The following UBE2O variants were observed in gnomAD, a reference collection of about 807,000 sequenced individuals.
UBE2O encodes the protein (E3-independent) E2 ubiquitin-conjugating enzyme.
Under a neutral mutation model 125.8 loss-of-function variants are expected in UBE2O, and 15 were observed. That is an observed-to-expected ratio of 0.12 (90% CI 0.08 to 0.18). The LOEUF is 0.18. UBE2O is among the 10% of genes least tolerant of loss of function. The probability of loss-of-function intolerance (pLI) is 1.00; values close to 1 mark genes in which losing one functional copy is unlikely to be tolerated. For synonymous variants in UBE2O, 708 were observed against 703.2 expected (o/e 1.01, Z -0.11); for missense variants, 1,280 against 1,723.6 (o/e 0.74, Z 4.56).
At chr17:76,444,264 G>A (rs2073120684) in intron 1 of UBE2O, among the ~76,000 whole-genome samples, 1 of 151,920 alleles carries the variant, frequency 6.6e-6, no homozygotes, top group South Asian at 2.1e-4. Context: ...AGAGGGTGTG[G>A]TCAGCTAGGC....
chr17:76,425,099 C>T (rs1029937472), intron 1 of UBE2O, among the ~76,000 whole-genome samples: 20 of 151,476 alleles, frequency 1.3e-4, no homozygotes, highest in African/African-American at 3.9e-4. Context: ...TCTCGATCTC[C>T]TGACCTCGTG....
At chr17:76,393,419 G>C (rs540959175) in intron 15 of UBE2O, among the ~76,000 whole-genome samples, 1 of 151,794 alleles carries the variant, frequency 6.6e-6, no homozygotes, top group East Asian at 2.0e-4. Flanking sequence ...TATTTTAATA[G>C]AGACGGGGTT....
Position 76,395,605 on chromosome 17 carries a change from G to A in UBE2O, c.2946+120C>T, listed in dbSNP as rs2072193722. On this transcript the variant is annotated intron_variant, in intron 15 of 17. Coordinates refer to ENST00000319380, the MANE Select transcript of UBE2O (RefSeq NM_022066.4). This position sits in a 1 kb window ranked among gnomAD's most constrained non-coding sequence, Gnocchi z 5.0. ...TGACCGCCCCTGTAAAAGGTGGGTG[G>A]GTGAGTGTCCTCGCAGGTGCCAGTC... is the stretch of plus-strand genomic sequence containing the variant. 8.0e-7 allele frequency: 1 copy of A among 1,253,238 alleles called. No individual in the cohort carries two copies. Among genetic ancestry groups the A allele is most frequent in the Admixed American group, 2.3e-5 (1 of 43,692 alleles). The allele number at this position is 1,253,238 out of a possible 1,614,324, so 77.6% of individuals were successfully genotyped here. A position where few individuals can be genotyped will look rare whatever the true frequency, so the allele number is the denominator to read the frequency against.
In UBE2O at chr17:76,405,412, G is replaced by A; in HGVS notation, c.478-96C>T. On this transcript the variant is annotated intron_variant, in intron 2 of 17. Coordinates refer to ENST00000319380, the MANE Select transcript of UBE2O (RefSeq NM_022066.4). This position sits in a 1 kb window ranked among gnomAD's most constrained non-coding sequence, Gnocchi z 6.1. ...GCAACCCCAGCGCACCCCCTGCAGA[G>A]CTGGCCAGTTCTCCCACATGCAGAG... 2 of 1,507,190 alleles carry A rather than the reference G, an allele frequency of 1.3e-6. No homozygotes were observed. Among genetic ancestry groups the A allele is most frequent in the Non-Finnish European group, 1.8e-6 (2 of 1,100,748 alleles). 93.4% of individuals were successfully genotyped at this position (1,507,190 alleles called of 1,614,324 possible). A position where few individuals can be genotyped will look rare whatever the true frequency, so the allele number is the denominator to read the frequency against.
At chr17:76,424,479 G>A (rs536286076) in intron 1 of UBE2O, among the ~76,000 whole-genome samples, 4 of 152,230 alleles carry the variant, frequency 2.6e-5, no homozygotes, top group Admixed American at 1.3e-4. Context: ...AAAGTGCTGG[G>A]ATTACAGGCG....
chr17:76,398,114 G>C lies in UBE2O; in HGVS notation c.2025+141C>G, dbSNP rs971315574. On this transcript the variant is annotated intron_variant, in intron 12 of 17. Transcript: ENST00000319380. This position sits in a 1 kb window ranked among gnomAD's most constrained non-coding sequence, Gnocchi z 5.4. ...AGTGCTGAGCGGCAGCTTGACTCTG[G>C]GGCAGCTGCCCTTCTGAGGACACTG... is the stretch of plus-strand genomic sequence containing the variant. The C allele has an allele frequency of 3.4e-5, 41 of 1,206,694 alleles. No homozygotes were observed. In the African/African-American group the frequency reaches 5.7e-4, roughly 17 times the overall value. 74.7% of individuals were successfully genotyped at this position (1,206,694 alleles called of 1,614,324 possible). A position where few individuals can be genotyped will look rare whatever the true frequency, so the allele number is the denominator to read the frequency against.
chr17:76,406,634 G>T (rs1598593183), intron 1 of UBE2O, among the ~76,000 whole-genome samples: 1 of 144,558 alleles, frequency 6.9e-6, no homozygotes, highest in African/African-American at 2.5e-5. Flanking sequence ...GAAAAGCAAT[G>T]AACCCCACCA....
In UBE2O at chr17:76,396,701, C is replaced by T; in HGVS notation, c.2236G>A (p.Gly746Arg). ...TTGGGGTGCTCGTCCTCCACCAGCCCATTGTCCGTCTCCCAGCTGTCACTA... is the reference window on the plus strand; with the variant it reads ...TTGGGGTGCTCGTCCTCCACCAGCCTATTGTCCGTCTCCCAGCTGTCACTA... ...DDSDSWETDN[G>R]LVEDEHPKIE... Residue 746 changes from glycine (G) to arginine (R), a missense_variant, in exon 14 of 18, where the codon GGG (glycine) becomes AGG (arginine). This residue lies in a region of UBE2O where 210 missense variants were observed against 268.9 expected (regional missense o/e 0.78). Coordinates refer to ENST00000319380, the MANE Select transcript of UBE2O (RefSeq NM_022066.4). This position sits in a 1 kb window ranked among gnomAD's most constrained non-coding sequence, Gnocchi z 6.7. The T allele has an allele frequency of 6.2e-7, 1 of 1,613,996 alleles. No homozygotes were observed. Among genetic ancestry groups the T allele is most frequent in the Non-Finnish European group, 8.5e-7 (1 of 1,180,026 alleles).
At chr17:76,422,200 G>C (rs544231104) in intron 1 of UBE2O, among the ~76,000 whole-genome samples, 4 of 152,302 alleles carry the variant, frequency 2.6e-5, no homozygotes, top group African/African-American at 9.6e-5. Flanking sequence ...AACTATTTCA[G>C]TCACTCCACT....
At chr17:76,426,805 A>G (rs1168441783) in intron 1 of UBE2O, among the ~76,000 whole-genome samples, 1 of 152,078 alleles carries the variant, frequency 6.6e-6, no homozygotes, top group Non-Finnish European at 1.5e-5. Flanking sequence ...GCTTATTCAG[A>G]TTTACCTGCA....
Position 76,396,512 on chromosome 17 carries a change from T to C in UBE2O, c.2425A>G (p.Lys809Glu). 6.2e-7 allele frequency: 1 copy of C among 1,613,826 alleles called. No homozygotes were observed. Among genetic ancestry groups the C allele is most frequent in the Non-Finnish European group, 8.5e-7 (1 of 1,179,938 alleles). The change falls in exon 14 of 18, where the codon AAG (lysine) becomes GAG (glutamate). Residue 809 changes from lysine (K) to glutamate (E), a missense_variant. Physicochemically the swap from Lys to Glu is moderately conservative, Grantham distance 56. Coordinates refer to ENST00000319380, the MANE Select transcript of UBE2O (RefSeq NM_022066.4). The surrounding 1 kb of genome is among the most constrained non-coding windows in gnomAD (Gnocchi z 6.7). Reference protein sequence around the residue: ...MEKAGKDGPPKSFRELKEAIK... With the variant: ...MEKAGKDGPPESFRELKEAIK... ...GCCTCTTTCAACTCCCGGAAGCTCT[T>C]GGGTGGCCCGTCCTTGCCAGCCTTC...
chr17:76,426,025 G>C (rs1481988205), intron 1 of UBE2O, among the ~76,000 whole-genome samples: 1 of 152,112 alleles, frequency 6.6e-6, no homozygotes, highest in African/African-American at 2.4e-5. Flanking sequence ...TGCCTAAAAG[G>C]AGGGTCTCAC....
At chr17:76,443,177 T>TG (rs2073101000) in intron 1 of UBE2O, among the ~76,000 whole-genome samples, 1 of 152,158 alleles carries the variant, frequency 6.6e-6, no homozygotes, top group Non-Finnish European at 1.5e-5. Context: ...TCATAATGGT[T>TG]GGGGGTTAGC....
Position 76,405,191 on chromosome 17 carries a change from A to T in UBE2O, c.588+15T>A. On this transcript the variant is annotated intron_variant, in intron 3 of 17. Transcript: ENST00000319380. The surrounding 1 kb of genome is among the most constrained non-coding windows in gnomAD (Gnocchi z 6.1). ...AGGGCCCAGAAAGGATGATGAGAAG[A>T]CAGGGCCGGCTCACCCAGATGTGCT... The T allele has an allele frequency of 6.3e-7, 1 of 1,583,782 alleles. No individual in the cohort carries two copies.
intron 1 of UBE2O, among the ~76,000 whole-genome samples, chr17:76,421,800 G>A (rs934821014): frequency 6.6e-6 from 1 of 152,190 alleles, no homozygotes; most frequent in Non-Finnish European, 1.5e-5. Context: ...TAAATGCCAC[G>A]TGCTTCCCAT....
intron 1 of UBE2O, among the ~76,000 whole-genome samples, chr17:76,448,233 A>G (rs2073181378): frequency 6.6e-6 from 1 of 152,234 alleles, no homozygotes; most frequent in Admixed American, 6.5e-5. Context: ...AAATCACAGA[A>G]CAGCTGTTAA....
In UBE2O at chr17:76,400,594, C is replaced by CT; in HGVS notation, c.895-45_895-44insA. 1 of 1,416,678 alleles carries CT rather than the reference C, an allele frequency of 7.1e-7. No homozygotes were observed. Among genetic ancestry groups the CT allele is most frequent in the Non-Finnish European group, 9.8e-7 (1 of 1,023,438 alleles). The allele number at this position is 1,416,678 out of a possible 1,614,324, so 87.8% of individuals were successfully genotyped here. A position where few individuals can be genotyped will look rare whatever the true frequency, so the allele number is the denominator to read the frequency against. On this transcript the variant is annotated intron_variant, in intron 6 of 17. Coordinates refer to ENST00000319380, the MANE Select transcript of UBE2O (RefSeq NM_022066.4). This position sits in a 1 kb window ranked among gnomAD's most constrained non-coding sequence, Gnocchi z 4.3. The stretch of plus-strand genomic sequence containing the variant: ...ACACGCCAGTCAGGGCAGGCTCTGA[C>CT]AGCACTCTCTTTAGCCAGCTGCCCA...
chr17:76,390,930 C>T lies in UBE2O; in HGVS notation c.*13G>A. On this transcript the variant is annotated 3_prime_UTR_variant, in exon 18 of 18. Transcript: ENST00000319380. ...CTCTCCCACGGTGATGCTCTTTCCT[C>T]TGTGCCTGGCAGCTACTTGTCCTCT... 1 of 1,584,306 alleles carries T rather than the reference C, an allele frequency of 6.3e-7. No individual in the cohort carries two copies. Among genetic ancestry groups the T allele is most frequent in the Non-Finnish European group, 8.6e-7 (1 of 1,165,872 alleles).
rs372712711 is a variant in UBE2O, at chr17:76,400,403, G to A, written c.1004+38C>T. 122 of 1,596,842 alleles carry A rather than the reference G, an allele frequency of 7.6e-5. No individual in the cohort carries two copies. The South Asian group carries it at 9.4e-4, about 12-fold the overall frequency. ...ACCAGGGCCCAGAGCCCTGTCCCACGCGTGCCCCTGGGTTGCTGGCAGTAA... is the reference window on the plus strand; with the variant it reads ...ACCAGGGCCCAGAGCCCTGTCCCACACGTGCCCCTGGGTTGCTGGCAGTAA... On this transcript the variant is annotated intron_variant, in intron 7 of 17. Transcript: ENST00000319380. This position sits in a 1 kb window ranked among gnomAD's most constrained non-coding sequence, Gnocchi z 4.3.
Sources: gnomAD v4.1 joint callset for allele counts (sites outside exome capture counted in the v4.1 genomes callset) on GRCh38, gnomAD v4.1.1 for gene constraint, gnomAD v4.1.1 regional missense constraint, Gnocchi (gnomAD v3.1) non-coding constraint, MANE v1.5 for transcripts, NCBI Gene and HGNC (gene_info 2026-07-23, HGNC 2026-07-21) for gene names.